CEP85L: variants seen among roughly 807,000 people sequenced by gnomAD.
CEP85L encodes the protein centrosomal protein 85L.
CEP85L carries 60 observed loss-of-function variants against 100.3 expected under a neutral mutation model. The ratio of observed to expected loss-of-function variants is 0.60; its 90% CI spans 0.49 to 0.74. CEP85L has a LOEUF of 0.74. Among genes scored for constraint, CEP85L ranks in the 30% least tolerant of loss-of-function variants. The probability of loss-of-function intolerance (pLI) is 0.00; values close to 1 mark genes in which losing one functional copy is unlikely to be tolerated. For synonymous variants in CEP85L, 319 were observed against 322.7 expected (o/e 0.99, Z 0.12); for missense variants, 973 against 936.2 (o/e 1.04, Z -0.51).
At chr6:118,551,594 A>T (rs923862708) in intron 3 of CEP85L, among the ~76,000 whole-genome samples, 3 of 152,054 alleles carry the variant, frequency 2.0e-5, no homozygotes, top group Admixed American at 2.0e-4. Flanking sequence ...CTAAATTGTC[A>T]GTTTTAGAGA....
At chr6:118,487,675 C>A (rs147551632) in intron 6 of CEP85L, among the ~76,000 whole-genome samples, 2 of 152,174 alleles carry the variant, frequency 1.3e-5, no homozygotes, top group Non-Finnish European at 1.5e-5. Context: ...TTTCTGGGTG[C>A]TGTTCAGAAG....
intron 1 of CEP85L, among the ~76,000 whole-genome samples, chr6:118,646,168 G>A (rs1180156101): frequency 2.0e-5 from 3 of 152,186 alleles, no homozygotes; most frequent in African/African-American, 7.2e-5. Flanking sequence ...AGTGAGCCGA[G>A]ATTGCGCCAT....
intron 1 of CEP85L, among the ~76,000 whole-genome samples, chr6:118,691,488 G>A (rs567621290): frequency 6.6e-4 from 98 of 148,680 alleles, no homozygotes; most frequent in African/African-American, 1.9e-3. Flanking sequence ...AGCCAAGATC[G>A]CAGCATTGCA....
intron 2 of CEP85L, among the ~76,000 whole-genome samples, chr6:118,585,514 T>A (rs943438438): frequency 6.6e-6 from 1 of 152,070 alleles, no homozygotes; most frequent in Admixed American, 6.5e-5. Context: ...GAAGGCTCCA[T>A]GAGAGAAATT....
intron 2 of CEP85L, among the ~76,000 whole-genome samples, chr6:118,619,055 A>ACAAT (rs1284691431): frequency 2.1e-3 from 323 of 152,266 alleles, no homozygotes; most frequent in African/African-American, 7.5e-3. Flanking sequence ...AAGGACGATC[A>ACAAT]TGCGCTCCGA....
intron 2 of CEP85L, among the ~76,000 whole-genome samples, chr6:118,605,685 G>C (rs1772147691): frequency 6.6e-6 from 1 of 151,992 alleles, no homozygotes; most frequent in South Asian, 2.1e-4. Flanking sequence ...TAGGCTACCA[G>C]AAGTTATCTT....
At position 118,469,112 on chromosome 6, in the gene CEP85L, C is replaced by G. The variant is rs1025861878; in HGVS notation, c.2214G>C (p.Gln738His). The G allele has an allele frequency of 1.2e-6, 2 of 1,613,846 alleles. No individual in the cohort carries two copies. Among genetic ancestry groups the G allele is most frequent in the Non-Finnish European group, 1.7e-6 (2 of 1,179,804 alleles). ...ATAATGAAAGATTAGGCTCCTTGCC[C>G]TGAGCACGCTGATTAAGAATACTAC... Reference protein sequence around the residue: ...ALCSILNQRAQGKEPNLSLLL... With the variant: ...ALCSILNQRAHGKEPNLSLLL... The change falls in exon 12 of 13, where the codon CAG becomes CAC. Residue 738 changes from glutamine to histidine, a missense_variant. Coordinates refer to ENST00000368491, the MANE Select transcript of CEP85L (RefSeq NM_001042475.3).
intron 2 of CEP85L, among the ~76,000 whole-genome samples, chr6:118,584,545 G>A (rs1055699672): frequency 6.6e-6 from 1 of 152,150 alleles, no homozygotes; most frequent in African/African-American, 2.4e-5. Context: ...CTTGCTTAAG[G>A]CACCAACTTT....
intron 2 of CEP85L, among the ~76,000 whole-genome samples, chr6:118,605,786 G>A (rs1482769385): frequency 6.6e-6 from 1 of 152,156 alleles, no homozygotes; most frequent in Non-Finnish European, 1.5e-5. Context: ...GCCGAGGCGG[G>A]CAGATCACGA....
chr6:118,543,594 A>G (rs1273435015), intron 3 of CEP85L, among the ~76,000 whole-genome samples: 1 of 152,216 alleles, frequency 6.6e-6, no homozygotes, highest in Non-Finnish European at 1.5e-5. Flanking sequence ...AATTAAGAAC[A>G]AGCAAAACAG....
intron 6 of CEP85L, 138 bp downstream of exon 6, chr6:118,491,548 A>C (rs887797719): frequency 1.4e-6 from 2 of 1,423,590 alleles, no homozygotes; most frequent in African/African-American, 2.9e-5. Flanking sequence ...GGCTTCTCAA[A>C]AGTTACTACA....
intron 2 of CEP85L, among the ~76,000 whole-genome samples, chr6:118,588,484 A>T (rs921346231): frequency 1.3e-5 from 2 of 152,212 alleles, no homozygotes; most frequent in Non-Finnish European, 2.9e-5. Context: ...TAAATGCAAC[A>T]TGCTGCTTCT....
At chr6:118,558,861 G>A (rs186238926) in intron 3 of CEP85L, 2 of 1,285,244 alleles carry the variant, frequency 1.6e-6, no homozygotes, top group South Asian at 1.2e-5. Flanking sequence ...ATATTTGGCT[G>A]CCAGCTTTTT....
intron 6 of CEP85L, among the ~76,000 whole-genome samples, chr6:118,489,509 C>T (rs1033534135): frequency 2.0e-5 from 3 of 152,110 alleles, no homozygotes; most frequent in Non-Finnish European, 2.9e-5. Flanking sequence ...ATGCTCAATT[C>T]CTGCATAGAA....
chr6:118,651,589 TCTCCGCCCC>T, exon 1 of CEP85L: 1 of 1,087,452 alleles, frequency 9.2e-7, no homozygotes, highest in Non-Finnish European at 1.1e-6. Flanking sequence ...CTGCGGGTTC[TCTCCGCCCC>T]CTCCGCCGGC....
intron 2 of CEP85L, among the ~76,000 whole-genome samples, chr6:118,571,908 G>A (rs1467648493): frequency 1.3e-5 from 2 of 152,114 alleles, no homozygotes; most frequent in Non-Finnish European, 2.9e-5. Flanking sequence ...CCAGGCTGGA[G>A]TGCAAGGGAA....
At chr6:118,627,305 C>T (rs914124246) in intron 2 of CEP85L, among the ~76,000 whole-genome samples, 2 of 151,414 alleles carry the variant, frequency 1.3e-5, no homozygotes, top group African/African-American at 4.9e-5. Context: ...GGAAAATAAG[C>T]ATATGAAAAA....
intron 12 of CEP85L, among the ~76,000 whole-genome samples, chr6:118,468,309 T>A (rs1047584401): frequency 5.9e-5 from 9 of 152,190 alleles, no homozygotes; most frequent in Non-Finnish European, 8.8e-5. Context: ...TTATTAACCA[T>A]AATATTAGGC....
rs1407681601 is a variant in CEP85L at position 118,558,830 on chromosome 6, C to G, written c.1020+6699G>C. The G allele has an allele frequency of 5.8e-6, 5 of 864,278 alleles. No individual in the cohort carries two copies. The East Asian group carries it at 1.2e-4, about 21-fold the overall frequency. 53.5% of individuals were successfully genotyped at this position (864,278 alleles called of 1,614,324 possible). On this transcript the variant is annotated intron_variant, in intron 3 of 12. Transcript: ENST00000368491. ...TTATTATTTTTACATTCCAGGCTACCTAAAAGAAGACAGTTATCTCATATT... is the reference window on the plus strand; with the variant it reads ...TTATTATTTTTACATTCCAGGCTACGTAAAAGAAGACAGTTATCTCATATT...
Sources: allele counts gnomAD v4.1 joint callset (sites outside exome capture counted in the v4.1 genomes callset), GRCh38; gene constraint gnomAD v4.1.1; transcripts MANE v1.5; gene names NCBI Gene and HGNC (gene_info 2026-07-23, HGNC 2026-07-21).